Variants in USP47 observed in about 807,000 individuals in gnomAD.
USP47 encodes ubiquitin carboxyl-terminal hydrolase 47.
Under a neutral mutation model 165.1 loss-of-function variants are expected in USP47, and 35 were observed. The ratio of observed to expected loss-of-function variants is 0.21; its 90% confidence interval spans 0.16 to 0.28. The LOEUF (loss-of-function observed/expected upper bound fraction) is 0.28. Among genes scored for constraint, USP47 ranks in the 10% least tolerant of loss-of-function variants. The pLI is 1.00. For synonymous variants in USP47, 531 were observed against 544.5 expected (o/e 0.98, Z 0.35); for missense variants, 1,277 against 1,607.4 (o/e 0.79, Z 3.52).
chr11:11,955,259 A>G (rs569443786), intron 27 of USP47, 95 bp downstream of exon 27: 14 of 1,482,512 alleles, frequency 9.4e-6, no homozygotes, highest in South Asian at 8.5e-5. Context: ...TTTTTATGAT[A>G]TGGAGCGGCA....
chr11:11,888,462 T>C (rs950214601), intron 3 of USP47, among the ~76,000 whole-genome samples: 9 of 151,834 alleles, frequency 5.9e-5, no homozygotes, highest in Non-Finnish European at 1.2e-4. Flanking sequence ...AAAATATGGA[T>C]AAATTCCTGG....
rs776525102 is a variant in USP47 at position 11,947,959 on chromosome 11, G to A, written c.3106G>A (p.Val1036Ile). 1.2e-6 allele frequency: 2 copies of A among 1,607,916 alleles called. No homozygotes were observed. The highest frequency in any genetic ancestry group is 2.2e-5 in the East Asian group (1 of 44,802). ...GEGHKWLMVHVDKRITLAAFK... is the reference protein window; with the variant it reads ...GEGHKWLMVHIDKRITLAAFK... ...TTTGTGCTTAGGGTTGATGGTGCAT[G>A]TTGATAAAAGAATTACTCTGGCAGC... Residue 1036 changes from valine to isoleucine, a missense_variant, in exon 21 of 28, where the codon GTT becomes ATT. Val to Ile is a conservative substitution (Grantham distance 29, BLOSUM62 3). Transcript: ENST00000527733.
intron 10 of USP47, among the ~76,000 whole-genome samples, chr11:11,921,756 G>A (rs1590382609): frequency 6.6e-6 from 1 of 151,958 alleles, no homozygotes; most frequent in Non-Finnish European, 1.5e-5. Context: ...ATGAAGCTTA[G>A]TAGAAACTTC....
chr11:11,924,257 C>T (rs773518343), intron 11 of USP47, among the ~76,000 whole-genome samples: 6 of 152,028 alleles, frequency 3.9e-5, no homozygotes, highest in Non-Finnish European at 7.4e-5. Flanking sequence ...TCTTCTTCAG[C>T]CTGAATTACA....
At chr11:11,916,438 C>T (rs571986497) in intron 8 of USP47, among the ~76,000 whole-genome samples, 1 of 151,940 alleles carries the variant, frequency 6.6e-6, no homozygotes, top group African/African-American at 2.4e-5. Context: ...ACCTGGTATC[C>T]AAAAACTTAA....
intron 3 of USP47, 37 bp downstream of exon 3, chr11:11,884,617 G>A (rs1336387478): frequency 6.8e-7 from 1 of 1,471,708 alleles, no homozygotes. Flanking sequence ...TATAATTTTT[G>A]TGCACTGTCA....
chr11:11,941,310 A>G lies in USP47; in HGVS notation c.2313+762A>G, dbSNP rs145297457. On this transcript the variant is annotated intron_variant, in intron 19 of 27. Coordinates refer to ENST00000527733, the MANE Select transcript of USP47 (RefSeq NM_001282659.2). Reference sequence around the variant, plus strand: ...TAAAATTTCTAATCCCCTCCAGTACATTACTTTAGGGTAAGAAGTGCAGTA... The same window carrying G: ...TAAAATTTCTAATCCCCTCCAGTACGTTACTTTAGGGTAAGAAGTGCAGTA... 8.1e-3 allele frequency among the ~76,000 whole-genome samples: 1,147 copies of G among 141,644 alleles called. 19 individuals are homozygous for G. The highest frequency in any genetic ancestry group is 0.03 in the African/African-American group (1,101 of 37,082). The allele number at this position is 141,644 out of a possible 152,430, so 92.9% of individuals were successfully genotyped here.
Position 11,842,758 on chromosome 11 carries a change from G to T in USP47, c.39+534G>T, listed in dbSNP as rs558538462. Among the ~76,000 whole-genome samples, 14 of 151,816 alleles carry T rather than the reference G, an allele frequency of 9.2e-5. No individual in the cohort carries two copies. In the South Asian group the frequency reaches 1.7e-3, roughly 18 times the overall value. ...TTGGCCTGCCTAAATGGGGCCTACCGAAGATCGTGGAAAAGTAGTACATGG... is the reference window on the plus strand; with the variant it reads ...TTGGCCTGCCTAAATGGGGCCTACCTAAGATCGTGGAAAAGTAGTACATGG... On this transcript the variant is annotated intron_variant, in intron 1 of 27. Coordinates refer to ENST00000527733, the MANE Select transcript of USP47 (RefSeq NM_001282659.2).
chr11:11,927,955 A>G (rs1854374101), intron 11 of USP47, among the ~76,000 whole-genome samples: 1 of 152,084 alleles, frequency 6.6e-6, no homozygotes, highest in Non-Finnish European at 1.5e-5. Flanking sequence ...GCTTTAAAAT[A>G]GATATATACA....
rs773900527 is a variant in USP47 at position 11,956,093 on chromosome 11, G to T, written c.3986G>T (p.Arg1329Leu). The change falls in exon 28 of 28, where the codon CGT becomes CTT. Residue 1329 changes from arginine to leucine, a missense_variant. Around this residue, in one of 4 missense-constraint regions of USP47, gnomAD observed 909 missense variants for 1,068.1 expected, o/e 0.85. Transcript: ENST00000527733. The stretch of plus-strand genomic sequence containing the variant: ...AGTCGACTCCAGAAGACTGGACATC[G>T]TGTAACATACTCACCTCGTAAAGAG... ...ESSRLQKTGHRVTYSPRKEKA... is the reference protein window; with the variant it reads ...ESSRLQKTGHLVTYSPRKEKA... 20 of 1,612,634 alleles carry T rather than the reference G, an allele frequency of 1.2e-5. No individual in the cohort carries two copies. In the Admixed American group the frequency reaches 3.4e-4, roughly 27 times the overall value.
At chr11:11,914,675 T>C (rs1853277580) in intron 8 of USP47, among the ~76,000 whole-genome samples, 1 of 152,196 alleles carries the variant, frequency 6.6e-6, no homozygotes, top group African/African-American at 2.4e-5. Context: ...GACATCAGTT[T>C]AGAAAAATTC....
At chr11:11,867,481 A>G (rs533073814) in intron 1 of USP47, among the ~76,000 whole-genome samples, 29 of 152,276 alleles carry the variant, frequency 1.9e-4, no homozygotes, top group African/African-American at 5.5e-4. Context: ...TCTTTTTTCA[A>G]ATATTTTAAA....
chr11:11,895,493 G>A (rs1851790791), intron 4 of USP47, among the ~76,000 whole-genome samples: 3 of 152,112 alleles, frequency 2.0e-5, no homozygotes, highest in Admixed American at 6.5e-5. Context: ...ATAAATTTTG[G>A]CACCATGTGT....
Position 11,950,572 on chromosome 11 carries a change from G to T in USP47, c.3583+90G>T, listed in dbSNP as rs537105337. On this transcript the variant is annotated intron_variant, in intron 24 of 27. Transcript: ENST00000527733. ...AGTTTTTAATCAAATAATGAGTTAC[G>T]AGGAATCTAATATACATTATAGTGT... The T allele has an allele frequency of 4.4e-5, 39 of 890,682 alleles. No individual in the cohort carries two copies. In the African/African-American group the frequency reaches 6.3e-4, roughly 14 times the overall value. The allele number at this position is 890,682 out of a possible 1,614,324, so 55.2% of individuals were successfully genotyped here. A position where few individuals can be genotyped will look rare whatever the true frequency, so the allele number is the denominator to read the frequency against.
chr11:11,938,149 G>T, intron 17 of USP47, 108 bp from the exon 18 acceptor site: 1 of 840,978 alleles, frequency 1.2e-6, no homozygotes, highest in Non-Finnish European at 1.9e-6. Flanking sequence ...TCTGTACTTG[G>T]AAGTTTGGAT....
intron 7 of USP47, among the ~76,000 whole-genome samples, chr11:11,903,780 A>G (rs1027239541): frequency 2.0e-5 from 3 of 152,188 alleles, no homozygotes; most frequent in Non-Finnish European, 4.4e-5. Context: ...TAGGATCCTC[A>G]TTAATCTAAC....
At chr11:11,948,640 T>C (rs1489153363) in intron 22 of USP47, 82 bp downstream of exon 22, 2 of 1,369,158 alleles carry the variant, frequency 1.5e-6, no homozygotes, top group East Asian at 2.4e-5. Flanking sequence ...CATAGTCATT[T>C]TATTTCTCTG....
chr11:11,945,131 T>C (rs1564892199), intron 20 of USP47, among the ~76,000 whole-genome samples: 1 of 152,182 alleles, frequency 6.6e-6, no homozygotes. Flanking sequence ...GAAAAGGTCT[T>C]GTTTGAAAAG....
rs1455113154 is a variant in USP47, at chr11:11,936,400, A to G, written c.1967A>G (p.Glu656Gly). ...CTAGAACGGTCATATGAAGGAGAAGAAGATACACCAATGGGGCTTCTACTA... is the reference window on the plus strand; with the variant it reads ...CTAGAACGGTCATATGAAGGAGAAGGAGATACACCAATGGGGCTTCTACTA... ...DYLERSYEGE[E>G]DTPMGLLLGG... The change falls in exon 17 of 28, where the codon GAA becomes GGA. Residue 656 changes from glutamate (E) to glycine (G), a missense_variant. Transcript: ENST00000527733. The G allele has an allele frequency of 6.2e-7, 1 of 1,610,854 alleles. No individual in the cohort carries two copies. The highest frequency in any genetic ancestry group is 2.2e-5 in the East Asian group (1 of 44,802).
Sources: allele counts gnomAD v4.1 joint callset (sites outside exome capture counted in the v4.1 genomes callset), GRCh38; gene constraint gnomAD v4.1.1; regional missense constraint gnomAD v4.1.1; transcripts MANE v1.5; gene names NCBI Gene and HGNC (gene_info 2026-07-23, HGNC 2026-07-21).